Variants in RANBP2 observed in about 807,000 individuals in gnomAD.
RANBP2 encodes the protein RAN binding protein 2, also known as E3 SUMO-protein ligase RanBP2.
RANBP2 carries 57 observed loss-of-function variants against 303.6 expected under a neutral mutation model. The ratio of observed to expected loss-of-function variants is 0.19; its 90% CI spans 0.15 to 0.23. The LOEUF is 0.23. Among genes scored for constraint, RANBP2 ranks in the 10% least tolerant of loss-of-function variants. The pLI, the probability that RANBP2 is intolerant of heterozygous loss-of-function variation, is 1.00. For synonymous variants in RANBP2, 1,167 were observed against 1,301.5 expected, an observed-to-expected ratio of 0.90 and a Z score of 2.23; for missense variants, 3,138 against 3,780.8, an observed-to-expected ratio of 0.83 and a Z score of 4.46.
chr2:109,455,757 G>C, the RANBP2 span, among the ~76,000 whole-genome samples: 26 of 152,082 alleles, frequency 1.7e-4, no homozygotes, highest in African/African-American at 6.3e-4. Context: ...ACAGGCAGCC[G>C]GGGAAGCCAG....
chr2:109,659,912 A>AG, the RANBP2 span, among the ~76,000 whole-genome samples: 2 of 152,196 alleles, frequency 1.3e-5, no homozygotes, highest in African/African-American at 2.4e-5. Flanking sequence ...GCACAAGCAA[A>AG]TGCCCAGATA....
chr2:109,484,212 G>A, the RANBP2 span, among the ~76,000 whole-genome samples: 4 of 152,070 alleles, frequency 2.6e-5, no homozygotes, highest in Admixed American at 6.6e-5. Flanking sequence ...GATTACAGGC[G>A]CTTGCCACCA....
the RANBP2 span, among the ~76,000 whole-genome samples, chr2:109,364,804 A>G: frequency 4.6e-5 from 7 of 152,150 alleles, no homozygotes; most frequent in East Asian, 1.9e-4. Flanking sequence ...TAAAACCCCA[A>G]TGGGGGCCAG....
the RANBP2 span, among the ~76,000 whole-genome samples, chr2:109,525,330 G>T: frequency 2.0e-5 from 3 of 151,520 alleles, no homozygotes; most frequent in Non-Finnish European, 4.4e-5. Flanking sequence ...AATTTTTTTT[G>T]AATTTTTACA....
the RANBP2 span, among the ~76,000 whole-genome samples, chr2:109,010,839 A>G: frequency 6.6e-6 from 1 of 152,204 alleles, no homozygotes; most frequent in Non-Finnish European, 1.5e-5. Flanking sequence ...CAGGATTCCA[A>G]GGAATCTATG....
chr2:108,786,386 C>G (rs1263831459), downstream of RANBP2, among the ~76,000 whole-genome samples: 1 of 152,040 alleles, frequency 6.6e-6, no homozygotes, highest in African/African-American at 2.4e-5. Flanking sequence ...CGCCACCACT[C>G]CCGGCTCAGA....
the RANBP2 span, among the ~76,000 whole-genome samples, chr2:109,261,743 C>T: frequency 2.0e-5 from 3 of 152,092 alleles, no homozygotes; most frequent in Admixed American, 1.3e-4. Flanking sequence ...TCAGTGTAAT[C>T]GGCAGGCATT....
the RANBP2 span, among the ~76,000 whole-genome samples, chr2:109,703,359 G>A: frequency 6.6e-6 from 1 of 152,172 alleles, no homozygotes; most frequent in Non-Finnish European, 1.5e-5. Flanking sequence ...CACATCTGTT[G>A]CCTAACATGG....
the RANBP2 span, among the ~76,000 whole-genome samples, chr2:109,099,023 C>T: frequency 0.53 from 80,678 of 151,988 alleles, 22,500 homozygotes; most frequent in South Asian, 0.66. Flanking sequence ...AGGCTAGCCA[C>T]GCAGTAGGTT....
chr2:109,341,084 T>C, the RANBP2 span, among the ~76,000 whole-genome samples: 2 of 152,206 alleles, frequency 1.3e-5, no homozygotes, highest in Non-Finnish European at 2.9e-5. Context: ...TTGTCTTATT[T>C]CATCAATTCT....
the RANBP2 span, among the ~76,000 whole-genome samples, chr2:109,642,089 C>T: frequency 6.7e-6 from 1 of 150,106 alleles, no homozygotes. Context: ...CAGGAGTGAA[C>T]CAATTTTTTT....
the RANBP2 span, among the ~76,000 whole-genome samples, chr2:109,067,810 G>A: frequency 6.6e-6 from 1 of 152,090 alleles, no homozygotes; most frequent in Non-Finnish European, 1.5e-5. Flanking sequence ...ACTAGCTAAT[G>A]CTGTGGGCTC....
chr2:109,068,995 T>C, the RANBP2 span, among the ~76,000 whole-genome samples: 1 of 152,334 alleles, frequency 6.6e-6, no homozygotes, highest in South Asian at 2.1e-4. Context: ...TTTCTGCCCA[T>C]ATGGCACTCC....
rs535018204 is a variant in RANBP2 at position 108,719,736 on chromosome 2, T to G, written c.72+58T>G. 3.7e-4 allele frequency: 567 copies of G among 1,549,518 alleles called. 3 individuals carry two copies. In the African/African-American group the frequency reaches 6.9e-3, roughly 19 times the overall value. ...ACCTGGCCGGGCGGCGGCCTCGCGCTGCTCAGGCGTCATGGCTCCCGACGG... is the reference window on the plus strand; with the variant it reads ...ACCTGGCCGGGCGGCGGCCTCGCGCGGCTCAGGCGTCATGGCTCCCGACGG... On this transcript the variant is annotated intron_variant, in intron 1 of 28. Coordinates refer to ENST00000283195, the MANE Select transcript of RANBP2 (RefSeq NM_006267.5).
intron 6 of RANBP2, among the ~76,000 whole-genome samples, chr2:108,739,742 T>C (rs1324711397): frequency 6.6e-6 from 1 of 152,148 alleles, no homozygotes; most frequent in East Asian, 1.9e-4. Flanking sequence ...TCCCAGCACA[T>C]TGGTAAACTG....
the RANBP2 span, among the ~76,000 whole-genome samples, chr2:108,944,465 G>A: frequency 6.6e-6 from 1 of 152,124 alleles, no homozygotes; most frequent in African/African-American, 2.4e-5. Context: ...CTATGGCTGC[G>A]GCAACAATGG....
chr2:109,103,133 C>T, the RANBP2 span, among the ~76,000 whole-genome samples: 1 of 152,170 alleles, frequency 6.6e-6, no homozygotes, highest in Non-Finnish European at 1.5e-5. Flanking sequence ...GCTGACGAGT[C>T]CCCTGGTGGG....
chr2:108,777,575 T>A (rs1349230187), intron 25 of RANBP2, among the ~76,000 whole-genome samples: 1 of 152,126 alleles, frequency 6.6e-6, no homozygotes, highest in Non-Finnish European at 1.5e-5. Context: ...GAGTTTATAC[T>A]TTTTAAGGAT....
the RANBP2 span, among the ~76,000 whole-genome samples, chr2:109,526,496 G>A: frequency 6.6e-6 from 1 of 152,198 alleles, no homozygotes; most frequent in East Asian, 1.9e-4. Flanking sequence ...ATTTTTAGTA[G>A]AGGCAGGGTT....
Sources: gnomAD v4.1 joint callset for allele counts (sites outside exome capture counted in the v4.1 genomes callset) on GRCh38, gnomAD v4.1.1 for gene constraint, MANE v1.5 for transcripts, NCBI Gene and HGNC (gene_info 2026-07-23, HGNC 2026-07-21) for gene names.